Variants in CLSTN2 observed in about 807,000 individuals in gnomAD.
The protein encoded by CLSTN2 is calsyntenin 2, also known as calsyntenin-2.
A neutral mutation model predicts 101.2 loss-of-function variants in CLSTN2; 48 were observed. The ratio of observed to expected loss-of-function variants is 0.47; its 90% confidence interval spans 0.38 to 0.60. The LOEUF (loss-of-function observed/expected upper bound fraction) is 0.60. Ranked by LOEUF, CLSTN2 falls within the 20% of genes least tolerant of loss-of-function variation. The probability of loss-of-function intolerance (pLI) is 0.00; values close to 1 mark genes in which losing one functional copy is unlikely to be tolerated. For synonymous variants in CLSTN2, 481 were observed against 463.6 expected (o/e 1.04, Z -0.48); for missense variants, 1,160 against 1,238.2 (o/e 0.94, Z 0.95).
chr3:140,059,048 G>A (rs1332976700), intron 1 of CLSTN2, among the ~76,000 whole-genome samples: 1 of 152,256 alleles, frequency 6.6e-6, no homozygotes, highest in Non-Finnish European at 1.5e-5. Context: ...GCAGTAGTAT[G>A]TGATGTTGGG....
intron 1 of CLSTN2, among the ~76,000 whole-genome samples, chr3:140,135,111 CACACACATATATATATATATATAT>C (rs1404488377): frequency 3.8e-5 from 2 of 52,108 alleles, no homozygotes; most frequent in African/African-American, 2.5e-4. Context: ...CACACACACA[CACACACATATATATATATATATAT>C]ATATATATAT....
chr3:140,385,470 G>A (rs548574147), intron 2 of CLSTN2, among the ~76,000 whole-genome samples: 2 of 145,130 alleles, frequency 1.4e-5, no homozygotes, highest in Non-Finnish European at 3.0e-5. Flanking sequence ...CCGGGTTCAC[G>A]CCATTCTCCT....
At chr3:140,320,904 G>C (rs1421710590) in intron 2 of CLSTN2, among the ~76,000 whole-genome samples, 1 of 152,134 alleles carries the variant, frequency 6.6e-6, no homozygotes, top group Non-Finnish European at 1.5e-5. Flanking sequence ...TGTTACGTTG[G>C]CTTGTTCATT....
chr3:140,455,548 T>C (rs1933378594), intron 6 of CLSTN2, among the ~76,000 whole-genome samples: 1 of 152,186 alleles, frequency 6.6e-6, no homozygotes, highest in Non-Finnish European at 1.5e-5. Context: ...AAATCAGATC[T>C]CATCCCTGGT....
chr3:140,056,313 T>A (rs1430182816), intron 1 of CLSTN2, among the ~76,000 whole-genome samples: 1 of 152,194 alleles, frequency 6.6e-6, no homozygotes, highest in Admixed American at 6.5e-5. Context: ...AATGTCTGTT[T>A]GGATGTCAAG....
At chr3:140,121,473 G>T (rs1053959866) in intron 1 of CLSTN2, among the ~76,000 whole-genome samples, 1 of 152,166 alleles carries the variant, frequency 6.6e-6, no homozygotes. Context: ...CAAAGTGAAA[G>T]TTCCAACACA....
At chr3:140,053,019 C>T (rs1241120262) in intron 1 of CLSTN2, among the ~76,000 whole-genome samples, 1 of 152,192 alleles carries the variant, frequency 6.6e-6, no homozygotes, top group Non-Finnish European at 1.5e-5. Flanking sequence ...CACGAGCCTG[C>T]AGGGGTGAGC....
chr3:140,407,855 C>T (rs1325336541), intron 4 of CLSTN2, among the ~76,000 whole-genome samples: 1 of 152,200 alleles, frequency 6.6e-6, no homozygotes, highest in Non-Finnish European at 1.5e-5. Flanking sequence ...CCCAGGTCTC[C>T]TGAGTGTTAG....
At chr3:140,222,109 C>T (rs1338241346) in intron 2 of CLSTN2, among the ~76,000 whole-genome samples, 1 of 151,784 alleles carries the variant, frequency 6.6e-6, no homozygotes, top group Non-Finnish European at 1.5e-5. Flanking sequence ...AAATGTGGCA[C>T]ATATACAAAA....
chr3:139,983,712 A>G (rs1178843937), intron 1 of CLSTN2, among the ~76,000 whole-genome samples: 1 of 152,202 alleles, frequency 6.6e-6, no homozygotes, highest in Non-Finnish European at 1.5e-5. Context: ...TAAACTATGT[A>G]ATAATTTACT....
At chr3:140,534,844 C>A (rs80316771) in intron 9 of CLSTN2, among the ~76,000 whole-genome samples, 2,395 of 152,296 alleles carry the variant, frequency 0.016, 63 homozygotes, top group African/African-American at 0.055. Flanking sequence ...AGTTTGTCCA[C>A]CAGGCCAATA....
chr3:140,153,198 A>G (rs559265313), intron 1 of CLSTN2, among the ~76,000 whole-genome samples: 6 of 152,336 alleles, frequency 3.9e-5, no homozygotes, highest in South Asian at 4.1e-4. Flanking sequence ...TGTGAGTTCT[A>G]TAGCTTGTGT....
At chr3:140,344,524 T>C (rs1351075698) in intron 2 of CLSTN2, among the ~76,000 whole-genome samples, 2 of 152,150 alleles carry the variant, frequency 1.3e-5, no homozygotes, top group Admixed American at 6.5e-5. Context: ...AGTGCCATGG[T>C]CTTTCTGGCC....
At chr3:140,165,438 A>T (rs892594701) in intron 1 of CLSTN2, among the ~76,000 whole-genome samples, 1 of 152,204 alleles carries the variant, frequency 6.6e-6, no homozygotes, top group African/African-American at 2.4e-5. Flanking sequence ...CTCCCGGTCA[A>T]GGGGCCTCAG....
intron 8 of CLSTN2, among the ~76,000 whole-genome samples, chr3:140,483,294 T>C (rs2107752893): frequency 6.6e-6 from 1 of 152,376 alleles, no homozygotes; most frequent in Non-Finnish European, 1.5e-5. Context: ...TTGATTGCAC[T>C]GTGGTCTGAG....
intron 2 of CLSTN2, among the ~76,000 whole-genome samples, chr3:140,305,054 A>ACACACACACTCT (rs1491321182): frequency 8.5e-6 from 1 of 118,136 alleles, no homozygotes; most frequent in African/African-American, 3.2e-5. Context: ...ACACACACAC[A>ACACACACACTCT]CTCTCTCTCT....
intron 8 of CLSTN2, among the ~76,000 whole-genome samples, chr3:140,472,444 T>C (rs1203223390): frequency 2.0e-5 from 3 of 152,234 alleles, no homozygotes; most frequent in South Asian, 2.1e-4. Flanking sequence ...TCAATCATTA[T>C]TATAACCAAG....
intron 2 of CLSTN2, among the ~76,000 whole-genome samples, chr3:140,236,810 A>G (rs1056171421): frequency 1.1e-4 from 15 of 142,226 alleles, no homozygotes; most frequent in Non-Finnish European, 2.1e-4. Flanking sequence ...TTCCTATTAC[A>G]TGTTATGTTA....
intron 2 of CLSTN2, among the ~76,000 whole-genome samples, chr3:140,223,961 T>C (rs2086297557): frequency 6.6e-6 from 1 of 152,190 alleles, no homozygotes; most frequent in Non-Finnish European, 1.5e-5. Context: ...AAGAAGGTTC[T>C]AGACATGTGT....
Sources: allele counts gnomAD v4.1 joint callset (sites outside exome capture counted in the v4.1 genomes callset), GRCh38; gene constraint gnomAD v4.1.1; transcripts MANE v1.5; gene names NCBI Gene and HGNC (gene_info 2026-07-23, HGNC 2026-07-21).